The following RIC1 variants were observed in gnomAD, a reference collection of about 807,000 sequenced individuals.
The protein encoded by RIC1 is guanine nucleotide exchange factor subunit RIC1.
Under a neutral mutation model 169.0 loss-of-function variants are expected in RIC1, and 88 were observed. The observed-to-expected ratio is 0.52, with a 90% confidence interval of 0.44 to 0.62. RIC1 has a LOEUF of 0.62. RIC1 is among the 20% of genes least tolerant of loss of function. The pLI is 0.00. For missense variants in RIC1, 1,877 were observed against 1,725.5 expected, an observed-to-expected ratio of 1.09 and a Z score of -1.56; for synonymous variants, 790 against 601.5, an observed-to-expected ratio of 1.31 and a Z score of -4.59.
intron 1 of RIC1, among the ~76,000 whole-genome samples, chr9:5,644,053 C>G (rs1232653253): frequency 6.7e-6 from 1 of 148,554 alleles, no homozygotes; most frequent in East Asian, 2.1e-4. Context: ...GTAGATAATA[C>G]TGTAGAATTT....
rs77601736 is a variant in RIC1 at position 5,651,984 on chromosome 9, A to G, written c.145-4599A>G. 5.1e-3 allele frequency among the ~76,000 whole-genome samples: 777 copies of G among 152,278 alleles called. 10 individuals are homozygous for G. Among genetic ancestry groups the G allele is most frequent in the Middle Eastern group, 0.014 (4 of 294 alleles). Reference sequence around the variant, plus strand: ...CATTTATTAGATTATCCTTTCTCCAATGTGTGCTCTTGGCACCTGTTTTTT... The same window carrying G: ...CATTTATTAGATTATCCTTTCTCCAGTGTGTGCTCTTGGCACCTGTTTTTT... On this transcript the variant is annotated intron_variant, in intron 1 of 25. Transcript: ENST00000414202.
chr9:5,778,313 A>T (rs146686828), downstream of RIC1, among the ~76,000 whole-genome samples: 1 of 152,178 alleles, frequency 6.6e-6, no homozygotes, highest in East Asian at 1.9e-4. Context: ...AGGATTTTCT[A>T]CATTGAAGGT....
At chr9:5,657,282 A>G (rs1819158365) in intron 2 of RIC1, among the ~76,000 whole-genome samples, 1 of 152,082 alleles carries the variant, frequency 6.6e-6, no homozygotes. Flanking sequence ...CTGTTCTATT[A>G]AACGTGCCTA....
chr9:5,640,332 AAC>A (rs1386122346), intron 1 of RIC1, among the ~76,000 whole-genome samples: 1 of 152,216 alleles, frequency 6.6e-6, no homozygotes, highest in Admixed American at 6.5e-5. Flanking sequence ...TAAGCAGTCA[AAC>A]ACACACAAAG....
chr9:5,693,794 C>T (rs146386781), intron 3 of RIC1, among the ~76,000 whole-genome samples: 2 of 152,110 alleles, frequency 1.3e-5, no homozygotes, highest in East Asian at 1.9e-4. Context: ...AATATGTCAT[C>T]ATCATGTATA....
intron 1 of RIC1, among the ~76,000 whole-genome samples, chr9:5,635,931 C>G (rs942506745): frequency 6.6e-6 from 1 of 152,188 alleles, no homozygotes; most frequent in Non-Finnish European, 1.5e-5. Context: ...TTATAAATTA[C>G]CAAATCTCAG....
chr9:5,669,702 G>C lies in RIC1; in HGVS notation c.252+13012G>C, dbSNP rs1178058238. On this transcript the variant is annotated intron_variant, in intron 2 of 25. Coordinates refer to ENST00000414202, the MANE Select transcript of RIC1 (RefSeq NM_020829.4). ...AGTATATATAGGGAACACTGCAGTG[G>C]GTTCTTGCAGTGGCAAAGAGAGATT... is the stretch of plus-strand genomic sequence containing the variant. Among the ~76,000 whole-genome samples the C allele has an allele frequency of 9.8e-5, 15 of 152,302 alleles. No individual in the cohort carries two copies. In the South Asian group the frequency reaches 1.7e-3, roughly 17 times the overall value.
intron 21 of RIC1, among the ~76,000 whole-genome samples, chr9:5,766,350 A>C (rs115733932): frequency 6.6e-6 from 1 of 152,072 alleles, no homozygotes; most frequent in African/African-American, 2.4e-5. Context: ...CAAATGCTAC[A>C]AACTTTTTTT....
At chr9:5,743,839 C>CT in intron 10 of RIC1, 102 bp downstream of exon 10, 3 of 835,528 alleles carry the variant, frequency 3.6e-6, no homozygotes, top group South Asian at 3.1e-5. Context: ...GAGACAGGGT[C>CT]TTACACTGTC....
chr9:5,772,885 T>C lies in RIC1; in HGVS notation c.3795-7T>C, dbSNP rs1827319994. The C allele has an allele frequency of 6.2e-7, 1 of 1,608,556 alleles. No homozygotes were observed. The highest frequency in any genetic ancestry group is 1.7e-5 in the Admixed American group (1 of 59,312). ...GCATAAATCATTTTGTTTCTGCTTA[T>C]ATTTAGGTATTTGCTACACATTTTC... On this transcript the variant is annotated splice_polypyrimidine_tract_variant and splice_region_variant and intron_variant, in intron 24 of 25. Transcript: ENST00000414202.
chr9:5,736,600 AAGAG>A (rs1214677220), intron 7 of RIC1, among the ~76,000 whole-genome samples: 2 of 152,192 alleles, frequency 1.3e-5, no homozygotes, highest in Non-Finnish European at 2.9e-5. Flanking sequence ...AGGTGGCACA[AAGAG>A]AGAACTTCAG....
chr9:5,702,922 C>G (rs1049852779), intron 3 of RIC1, among the ~76,000 whole-genome samples: 4 of 152,150 alleles, frequency 2.6e-5, no homozygotes, highest in African/African-American at 9.7e-5. Context: ...GGAAATTGCC[C>G]TCATGATCCA....
downstream of RIC1, among the ~76,000 whole-genome samples, chr9:5,777,454 G>C (rs1586746992): frequency 1.3e-5 from 2 of 150,716 alleles, no homozygotes; most frequent in Non-Finnish European, 3.0e-5. Flanking sequence ...GTCTGACTTA[G>C]ACTGAGTGTT....
At chr9:5,657,499 T>G (rs1819171529) in intron 2 of RIC1, among the ~76,000 whole-genome samples, 1 of 152,172 alleles carries the variant, frequency 6.6e-6, no homozygotes, top group Non-Finnish European at 1.5e-5. Context: ...TTATCCTTCA[T>G]AATGGATGTG....
At chr9:5,713,795 T>G in intron 3 of RIC1, 101 bp from the exon 4 acceptor site, 1 of 675,924 alleles carries the variant, frequency 1.5e-6, no homozygotes, top group Non-Finnish European at 2.5e-6. Flanking sequence ...ATACCTGATT[T>G]GTAAGTTTTA....
chr9:5,629,333 C>G lies in RIC1; in HGVS notation c.24C>G (p.Pro8=), dbSNP rs986504543. 6 of 1,530,104 alleles carry G rather than the reference C, an allele frequency of 3.9e-6. No individual in the cohort carries two copies. The highest frequency in any genetic ancestry group is 5.2e-6 in the Non-Finnish European group (6 of 1,144,710). The allele number at this position is 1,530,104 out of a possible 1,614,324, so 94.8% of individuals were successfully genotyped here. A position where few individuals can be genotyped will look rare whatever the true frequency, so the allele number is the denominator to read the frequency against. The change falls in exon 1 of 26, where the codon CCC becomes CCG. Residue 8 remains proline, a synonymous_variant. Coordinates refer to ENST00000414202, the MANE Select transcript of RIC1 (RefSeq NM_020829.4). MYFLSGW[P]KRLLCPLGSP... is the part of the protein sequence containing the mutation. ...CCATGTATTTTCTGAGCGGCTGGCC[C>G]AAGAGGCTGCTGTGCCCTCTGGGGA...
At chr9:5,684,177 G>A (rs370939610) in intron 2 of RIC1, among the ~76,000 whole-genome samples, 74 of 148,914 alleles carry the variant, frequency 5.0e-4, no homozygotes, top group African/African-American at 1.6e-3. Flanking sequence ...AGATGAACCC[G>A]GCATCTCAGT....
chr9:5,736,116 T>C (rs192007411), intron 7 of RIC1, among the ~76,000 whole-genome samples: 200 of 152,362 alleles, frequency 1.3e-3, no homozygotes, highest in African/African-American at 4.4e-3. Context: ...ATTTAAAACA[T>C]GGACTCCTCA....
intron 1 of RIC1, among the ~76,000 whole-genome samples, chr9:5,631,779 C>G (rs901014333): frequency 2.0e-5 from 3 of 151,886 alleles, no homozygotes; most frequent in African/African-American, 7.3e-5. Flanking sequence ...ATGCTAGACT[C>G]CAGCTTCCAA....
Sources: allele counts gnomAD v4.1 joint callset (sites outside exome capture counted in the v4.1 genomes callset), GRCh38; gene constraint gnomAD v4.1.1; transcripts MANE v1.5; gene names NCBI Gene and HGNC (gene_info 2026-07-23, HGNC 2026-07-21).